Variants in TBC1D2 observed in about 807,000 individuals in gnomAD.
The protein encoded by TBC1D2 is TBC1 domain family member 2A.
Under a neutral mutation model 91.1 loss-of-function variants are expected in TBC1D2, and 58 were observed. That is an observed-to-expected ratio of 0.64 (90% CI 0.52 to 0.79). TBC1D2 has a LOEUF of 0.79. Ranked by LOEUF, TBC1D2 falls within the 30% of genes least tolerant of loss-of-function variation. The probability of loss-of-function intolerance (pLI) is 0.00; values close to 1 mark genes in which losing one functional copy is unlikely to be tolerated. For missense variants in TBC1D2, 1,080 were observed against 1,208.3 expected (o/e 0.89, Z 1.57); for synonymous variants, 482 against 511.5 (o/e 0.94, Z 0.78).
At chr9:98,209,791 C>T (rs201000811) in intron 8 of TBC1D2, among the ~76,000 whole-genome samples, 2 of 130,468 alleles carry the variant, frequency 1.5e-5, no homozygotes, top group African/African-American at 2.7e-5. Flanking sequence ...TTCCTTCCTT[C>T]CTTTCTTTTT....
chr9:98,203,765 AGCTCATTCAGTGCCCCACACAGTGCCT>A (rs1828575493), intron 9 of TBC1D2, among the ~76,000 whole-genome samples: 1 of 152,146 alleles, frequency 6.6e-6, no homozygotes, highest in African/African-American at 2.4e-5. Context: ...GGATGAACAG[AGCTCATTCAGTGCCCCACACAGTGCCT>A]GCCACACAGT....
intron 5 of TBC1D2, among the ~76,000 whole-genome samples, chr9:98,224,648 A>G (rs1427632666): frequency 6.6e-6 from 1 of 152,342 alleles, no homozygotes; most frequent in South Asian, 2.1e-4. Context: ...ATACGTGGTC[A>G]TAAGTTGTCA....
chr9:98,201,900 TG>T (rs1828516984), intron 10 of TBC1D2, among the ~76,000 whole-genome samples: 1 of 152,230 alleles, frequency 6.6e-6, no homozygotes. Context: ...ACTGGGGCAC[TG>T]GGCTCTGCAG....
In TBC1D2 at chr9:98,201,482, C is replaced by T. The variant is rs369104720; in HGVS notation, c.2454G>A (p.Thr818=). Reference sequence around the variant, plus strand: ...CCATCCCCTGGCTGCACCCTACCTTCGTCCCCTCGTACAGGAAGGCATCCC... The same window carrying T: ...CCATCCCCTGGCTGCACCCTACCTTTGTCCCCTCGTACAGGAAGGCATCCC... ...RVWDAFLYEG[T]KVVFRYALAI... Residue 818 remains threonine (T), a synonymous_variant, in exon 11 of 13, where the codon ACG becomes ACA. Coordinates refer to ENST00000465784, the MANE Select transcript of TBC1D2 (RefSeq NM_001267571.2). The T allele has an allele frequency of 6.1e-5, 98 of 1,613,132 alleles. No homozygotes were observed. The highest frequency in any genetic ancestry group is 7.0e-5 in the Non-Finnish European group (82 of 1,179,424).
In TBC1D2 at chr9:98,251,867, T is replaced by A; in HGVS notation, c.429A>T (p.Glu143Asp). The change falls in exon 2 of 13, where the codon GAA (glutamate) becomes GAT (aspartate). Residue 143 changes from glutamate (E) to aspartate (D), a missense_variant. Glu to Asp is a conservative substitution (Grantham distance 45). Transcript: ENST00000465784. The part of the protein sequence containing the change: ...WLQQLQMKRW[E>D]FHNSPPAPPA... Reference sequence around the variant, plus strand: ...GAGGTGCCGGCGGGCTGTTGTGGAATTCCCAGCGCTTCATCTGCAGCTGCT... The same window carrying A: ...GAGGTGCCGGCGGGCTGTTGTGGAAATCCCAGCGCTTCATCTGCAGCTGCT... The A allele has an allele frequency of 6.2e-7, 1 of 1,604,338 alleles. No individual in the cohort carries two copies. The highest frequency in any genetic ancestry group is 8.5e-7 in the Non-Finnish European group (1 of 1,176,244).
chr9:98,208,991 C>T lies in TBC1D2; in HGVS notation c.1827G>A (p.Leu609=), dbSNP rs764751888. The change falls in exon 9 of 13, where the codon CTG becomes CTA. Residue 609 remains leucine (L), a synonymous_variant. Transcript: ENST00000465784. ...GCTCGGCTGAGGGCACAAGATCGCCCAGGGCAGCCCAGCGCTCCCTCAGCG... is the reference window on the plus strand; with the variant it reads ...GCTCGGCTGAGGGCACAAGATCGCCTAGGGCAGCCCAGCGCTCCCTCAGCG... ...DRPLRERWAA[L]GDLVPSAELK... is the part of the protein sequence containing the mutation. The T allele has an allele frequency of 6.2e-7, 1 of 1,614,128 alleles. No homozygotes were observed. Among genetic ancestry groups the T allele is most frequent in the South Asian group, 1.1e-5 (1 of 91,082 alleles).
intron 6 of TBC1D2, 163 bp from the exon 7 acceptor site, chr9:98,213,381 C>A: frequency 7.0e-7 from 1 of 1,438,312 alleles, no homozygotes; most frequent in Non-Finnish European, 9.1e-7. Flanking sequence ...CTCATAGCAC[C>A]CTTCTCTATT....
At chr9:98,251,663 G>T in intron 2 of TBC1D2, 122 bp downstream of exon 2, 1 of 1,380,308 alleles carries the variant, frequency 7.2e-7, no homozygotes, top group Non-Finnish European at 9.4e-7. Flanking sequence ...CTAATCCTGA[G>T]TCATATCCCT....
chr9:98,241,572 T>C (rs1829637793), intron 3 of TBC1D2, among the ~76,000 whole-genome samples: 2 of 152,196 alleles, frequency 1.3e-5, no homozygotes, highest in South Asian at 4.1e-4. Flanking sequence ...TCTATGACCC[T>C]CTGAAGCTTC....
At chr9:98,213,422 CAGT>C in intron 6 of TBC1D2, 2 of 1,377,006 alleles carry the variant, frequency 1.5e-6, no homozygotes, top group Non-Finnish European at 1.9e-6. Flanking sequence ...GTAAAGGGAC[CAGT>C]AGGTCTGAAT....
In TBC1D2 at chr9:98,200,381, G is replaced by A. The variant is rs1262395409; in HGVS notation, c.2458-7C>T. 3.8e-6 allele frequency: 6 copies of A among 1,595,700 alleles called. No individual in the cohort carries two copies. In the Admixed American group the frequency reaches 7.1e-5, roughly 19 times the overall value. On this transcript the variant is annotated splice_region_variant and splice_polypyrimidine_tract_variant and intron_variant, in intron 11 of 12. Coordinates refer to ENST00000465784, the MANE Select transcript of TBC1D2 (RefSeq NM_001267571.2). ...AGGCATAGCGAAACACCACCTGGGG[G>A]TAGAGTGGGGGCTCAGGTAGGGCAT...
rs138666242 is a variant in TBC1D2, at chr9:98,251,765, G to A, written c.511+20C>T. On this transcript the variant is annotated intron_variant, in intron 2 of 12. Coordinates refer to ENST00000465784, the MANE Select transcript of TBC1D2 (RefSeq NM_001267571.2). Reference sequence around the variant, plus strand: ...ACCAGAGCCCTGGGTGTGCAGGCAGGAGGGTAGCCCATTGGGTACCTAGCT... The same window carrying A: ...ACCAGAGCCCTGGGTGTGCAGGCAGAAGGGTAGCCCATTGGGTACCTAGCT... 9.3e-4 allele frequency: 1,460 copies of A among 1,561,794 alleles called. No individual in the cohort carries two copies. The highest frequency in any genetic ancestry group is 1.8e-3 in the Admixed American group (88 of 49,218).
At chr9:98,204,883 AG>A (rs1414352502) in intron 9 of TBC1D2, among the ~76,000 whole-genome samples, 4 of 152,130 alleles carry the variant, frequency 2.6e-5, no homozygotes, top group Non-Finnish European at 4.4e-5. Flanking sequence ...GTCTGTGCCC[AG>A]GGCAGACATA....
rs77093962 is a variant in TBC1D2, at chr9:98,201,677, G to A, written c.2272-13C>T. The A allele has an allele frequency of 2.5e-3, 4,010 of 1,604,498 alleles. 100 individuals carry two copies. In the African/African-American group the frequency reaches 0.046, roughly 19 times the overall value. On this transcript the variant is annotated splice_polypyrimidine_tract_variant and intron_variant, in intron 10 of 12. Coordinates refer to ENST00000465784, the MANE Select transcript of TBC1D2 (RefSeq NM_001267571.2). Reference sequence around the variant, plus strand: ...CCCGCTGGTCCACCTGGAAGCCAGCGAGAGGGCCTGTCATCTGCAGCCCCA... The same window carrying A: ...CCCGCTGGTCCACCTGGAAGCCAGCAAGAGGGCCTGTCATCTGCAGCCCCA...
intron 5 of TBC1D2, 150 bp from the exon 6 acceptor site, chr9:98,221,378 T>C: frequency 9.6e-7 from 1 of 1,037,454 alleles, no homozygotes; most frequent in African/African-American, 1.6e-5. Flanking sequence ...CACTTTCTCC[T>C]TCTCTGTTCA....
chr9:98,241,943 C>G (rs1308733697), intron 3 of TBC1D2, among the ~76,000 whole-genome samples: 2 of 152,194 alleles, frequency 1.3e-5, no homozygotes, highest in Non-Finnish European at 2.9e-5. Context: ...CCAAAGAACA[C>G]TCATTGTCTT....
intron 3 of TBC1D2, among the ~76,000 whole-genome samples, chr9:98,240,279 T>C (rs1829605089): frequency 6.6e-6 from 1 of 152,008 alleles, no homozygotes; most frequent in Non-Finnish European, 1.5e-5. Flanking sequence ...GAAAAATTCA[T>C]CGGTTGAATT....
chr9:98,208,970 G>A lies in TBC1D2; in HGVS notation c.1848C>T (p.Ala616=), dbSNP rs753004645. 11 of 1,614,062 alleles carry A rather than the reference G, an allele frequency of 6.8e-6. No homozygotes were observed. Among genetic ancestry groups the A allele is most frequent in the South Asian group, 2.2e-5 (2 of 91,084 alleles). Residue 616 remains alanine (A), a synonymous_variant, in exon 9 of 13, where the codon GCC becomes GCT. Coordinates refer to ENST00000465784, the MANE Select transcript of TBC1D2 (RefSeq NM_001267571.2). ...CTGCCCGCAGTAGCTGCTTGAGCTC[G>A]GCTGAGGGCACAAGATCGCCCAGGG... is the stretch of plus-strand genomic sequence containing the variant. ...WAALGDLVPS[A]ELKQLLRAGV...
rs544863338 is a variant in TBC1D2, at chr9:98,200,122, G to C, written c.2579+131C>G. On this transcript the variant is annotated intron_variant, in intron 12 of 12. Transcript: ENST00000465784. ...ACTCAGACAGTCAGACTTCCCCAAA[G>C]ATTTCTAAGCTATAATACGAGCATC... is the stretch of plus-strand genomic sequence containing the variant. 3.6e-5 allele frequency: 49 copies of C among 1,349,300 alleles called. No individual in the cohort carries two copies. The African/African-American group carries it at 6.6e-4, about 18-fold the overall frequency. 83.6% of individuals were successfully genotyped at this position (1,349,300 alleles called of 1,614,324 possible).
Sources: gnomAD v4.1 joint callset for allele counts (sites outside exome capture counted in the v4.1 genomes callset) on GRCh38, gnomAD v4.1.1 for gene constraint, MANE v1.5 for transcripts, NCBI Gene and HGNC (gene_info 2026-07-23, HGNC 2026-07-21) for gene names.